LAMB1: variants seen among roughly 807,000 people sequenced by gnomAD.
LAMB1 encodes laminin subunit beta 1.
LAMB1 carries 121 observed loss-of-function variants against 222.3 expected under a neutral mutation model. That is an observed-to-expected ratio of 0.54 (90% CI 0.47 to 0.63). The LOEUF (loss-of-function observed/expected upper bound fraction) is 0.63. Among genes scored for constraint, LAMB1 ranks in the 30% least tolerant of loss-of-function variants. The pLI is 0.00. For missense variants in LAMB1, 2,172 were observed against 2,240.8 expected, an observed-to-expected ratio of 0.97 and a Z score of 0.62; for synonymous variants, 794 against 807.2, an observed-to-expected ratio of 0.98 and a Z score of 0.28.
chr7:107,947,995 T>C (rs1194734791), intron 24 of LAMB1, among the ~76,000 whole-genome samples: 1 of 148,350 alleles, frequency 6.7e-6, no homozygotes, highest in African/African-American at 2.5e-5. Flanking sequence ...TTTTTTTTTT[T>C]TTTTTTTGAG....
intron 29 of LAMB1, among the ~76,000 whole-genome samples, chr7:107,930,329 T>C (rs1215324700): frequency 2.0e-5 from 3 of 152,356 alleles, no homozygotes; most frequent in East Asian, 3.9e-4. Context: ...CTATTGAACA[T>C]AAAAATGGAC....
At chr7:107,943,253 A>C (rs775272519) in intron 24 of LAMB1, among the ~76,000 whole-genome samples, 9 of 152,200 alleles carry the variant, frequency 5.9e-5, no homozygotes, top group Non-Finnish European at 1.0e-4. Context: ...TCTGCAGGAA[A>C]AACTGTTTTA....
At chr7:107,926,602 A>C (rs2032573095) in intron 31 of LAMB1, among the ~76,000 whole-genome samples, 4 of 152,100 alleles carry the variant, frequency 2.6e-5, no homozygotes, top group Admixed American at 2.0e-4. Context: ...ATTGATGTAA[A>C]ATTTTTTCTG....
At chr7:107,933,943 A>T (rs956751395) in intron 27 of LAMB1, among the ~76,000 whole-genome samples, 2 of 152,052 alleles carry the variant, frequency 1.3e-5, no homozygotes, top group Non-Finnish European at 2.9e-5. Context: ...TAGCATGCTT[A>T]GCTGTTTCTT....
chr7:107,950,927 T>TGTGTGA (rs2116391836), intron 24 of LAMB1, among the ~76,000 whole-genome samples: 1 of 73,038 alleles, frequency 1.4e-5, no homozygotes, highest in African/African-American at 5.5e-5. Context: ...ATTTGTGGTG[T>TGTGTGA]GTGTGTGTGT....
chr7:107,935,529 G>C lies in LAMB1; in HGVS notation c.4074C>G (p.Asp1358Glu), dbSNP rs146681738. The change falls in exon 27 of 34, where the codon GAC becomes GAG. Residue 1358 changes from aspartate (D) to glutamate (E), a missense_variant. Physicochemically the swap from Asp to Glu is conservative, Grantham distance 45 (BLOSUM62 2). Coordinates refer to ENST00000222399, the MANE Select transcript of LAMB1 (RefSeq NM_002291.3). Reference sequence around the variant, plus strand: ...ACTGGGATTCTCGCTCCATCATCACGTCTTCTACTCTGTCTCTCATGAGGG... The same window carrying C: ...ACTGGGATTCTCGCTCCATCATCACCTCTTCTACTCTGTCTCTCATGAGGG... The part of the protein sequence containing the change: ...QSALMRDRVE[D>E]VMMERESQFK... The C allele has an allele frequency of 6.2e-7, 1 of 1,613,718 alleles. No homozygotes were observed. The highest frequency in any genetic ancestry group is 1.3e-5 in the African/African-American group (1 of 74,850).
intron 24 of LAMB1, among the ~76,000 whole-genome samples, chr7:107,941,004 A>T (rs945476511): frequency 3.3e-5 from 5 of 152,238 alleles, no homozygotes; most frequent in African/African-American, 9.6e-5. Context: ...ATCCAGTTTA[A>T]AGGCTTTCAA....
In LAMB1 at chr7:107,923,837, A is replaced by G; in HGVS notation, c.*114T>C. The G allele has an allele frequency of 9.9e-7, 1 of 1,007,032 alleles. No homozygotes were observed. Among genetic ancestry groups the G allele is most frequent in the Non-Finnish European group, 1.4e-6 (1 of 692,136 alleles). The allele number at this position is 1,007,032 out of a possible 1,614,324, so 62.4% of individuals were successfully genotyped here. A position where few individuals can be genotyped will look rare whatever the true frequency, so the allele number is the denominator to read the frequency against. Reference sequence around the variant, plus strand: ...ACTGTACTTTATTTAACTCCATACAAAATGTGATTAAAAACATTAAATAGG... The same window carrying G: ...ACTGTACTTTATTTAACTCCATACAGAATGTGATTAAAAACATTAAATAGG... On this transcript the variant is annotated 3_prime_UTR_variant, in exon 34 of 34. Coordinates refer to ENST00000222399, the MANE Select transcript of LAMB1 (RefSeq NM_002291.3).
intron 24 of LAMB1, 59 bp from the exon 25 acceptor site, chr7:107,940,417 T>C: frequency 6.5e-7 from 1 of 1,541,872 alleles, no homozygotes; most frequent in Non-Finnish European, 8.8e-7. Flanking sequence ...AGTGACAAGA[T>C]GTGGCATTTA....
At chr7:107,958,842 C>T (rs886094866) in intron 20 of LAMB1, among the ~76,000 whole-genome samples, 3 of 152,156 alleles carry the variant, frequency 2.0e-5, no homozygotes, top group African/African-American at 7.2e-5. Flanking sequence ...ATAAAACGTT[C>T]TGAAAAACAA....
Position 107,987,625 on chromosome 7 carries a change from C to G in LAMB1, c.424-1262G>C, listed in dbSNP as rs376095053. ...AAACAATTCTTCTGTCTCAGCCTCC[C>G]GAGTAGCTGGGATTACAAACACGCA... On this transcript the variant is annotated intron_variant, in intron 5 of 33. Coordinates refer to ENST00000222399, the MANE Select transcript of LAMB1 (RefSeq NM_002291.3). Among the ~76,000 whole-genome samples the G allele has an allele frequency of 2.0e-3, 298 of 152,268 alleles. 3 individuals are homozygous for G. The highest frequency in any genetic ancestry group is 4.3e-4 in the Non-Finnish European group (29 of 68,022).
rs762419153 is a variant in LAMB1 at position 107,959,810 on chromosome 7, G to T, written c.2339C>A (p.Ser780Ter). 16 of 1,613,544 alleles carry T rather than the reference G, an allele frequency of 9.9e-6. No homozygotes were observed. Among genetic ancestry groups the T allele is most frequent in the Non-Finnish European group, 1.4e-5 (16 of 1,179,758 alleles). Reference protein sequence around the residue: ...GLACECDPQGSLSSVCDPNGG... With the variant: ...GLACECDPQG ...GTTGGGATCACACACGGAACTTAAC[G>T]AACCCTGAGGGTCGCATTCACAAGC... Residue 780 changes from serine to a stop codon, truncating the protein, a stop_gained, in exon 19 of 34, where the codon TCG becomes TAG. Transcript: ENST00000222399. LOFTEE classifies it high-confidence loss of function.
chr7:107,991,276 A>G (rs2034176331), intron 5 of LAMB1, among the ~76,000 whole-genome samples: 1 of 152,122 alleles, frequency 6.6e-6, no homozygotes, highest in African/African-American at 2.4e-5. Flanking sequence ...ATGATCATTC[A>G]TTTCTTATTA....
chr7:107,954,200 G>C (rs931000267), intron 21 of LAMB1, among the ~76,000 whole-genome samples: 1 of 152,028 alleles, frequency 6.6e-6, no homozygotes, highest in East Asian at 1.9e-4. Context: ...TATCACCCAG[G>C]TTGGAATGCA....
At chr7:107,938,613 G>T (rs768452130) in intron 25 of LAMB1, among the ~76,000 whole-genome samples, 4 of 152,074 alleles carry the variant, frequency 2.6e-5, no homozygotes, top group African/African-American at 4.8e-5. Context: ...CTCTCTTCTG[G>T]CAGGCTCTCA....
At position 107,998,341 on chromosome 7, in the gene LAMB1, C is replaced by T. The variant is rs772978826; in HGVS notation, c.349+16G>A. On this transcript the variant is annotated intron_variant, in intron 4 of 33. Transcript: ENST00000222399. ...AATCACACTCAACGGAACTTGTCCC[C>T]ACACCAACCACATACCATTTTCAGA... 35 of 1,613,276 alleles carry T rather than the reference C, an allele frequency of 2.2e-5. No homozygotes were observed. In the East Asian group the frequency reaches 6.9e-4, roughly 32 times the overall value.
chr7:107,950,525 T>G (rs1186589981), intron 24 of LAMB1, among the ~76,000 whole-genome samples: 1 of 152,238 alleles, frequency 6.6e-6, no homozygotes, highest in Non-Finnish European at 1.5e-5. Flanking sequence ...AAGTTTTTGT[T>G]TGTAAGAAAA....
Position 107,998,462 on chromosome 7 carries a change from G to A in LAMB1, c.244C>T (p.Gln82Ter). The A allele has an allele frequency of 6.2e-7, 1 of 1,613,814 alleles. No homozygotes were observed. The highest frequency in any genetic ancestry group is 1.1e-5 in the South Asian group (1 of 91,044). The change falls in exon 4 of 34, where the codon CAA (glutamine) becomes TAA (stop). Residue 82 changes from glutamine (Q) to a stop codon, truncating the protein, a stop_gained. Coordinates refer to ENST00000222399, the MANE Select transcript of LAMB1 (RefSeq NM_002291.3). LOFTEE classifies it high-confidence loss of function. ...EDKKCFICNSQDPYHETLNPD... is the reference protein window; with the variant it reads ...EDKKCFICNS ...TTCAGGGTCTCATGATAAGGATCTTGGGAATTGCATATGAAGCATTTTTTG... is the reference window on the plus strand; with the variant it reads ...TTCAGGGTCTCATGATAAGGATCTTAGGAATTGCATATGAAGCATTTTTTG...
chr7:107,947,707 T>C (rs1048188544), intron 24 of LAMB1, among the ~76,000 whole-genome samples: 12 of 152,354 alleles, frequency 7.9e-5, no homozygotes, highest in African/African-American at 2.9e-4. Context: ...TTGTAGGTTA[T>C]GAGCTTTCTC....
Sources: allele counts gnomAD v4.1 joint callset (sites outside exome capture counted in the v4.1 genomes callset), GRCh38; gene constraint gnomAD v4.1.1; transcripts MANE v1.5; gene names NCBI Gene and HGNC (gene_info 2026-07-23, HGNC 2026-07-21).